Variants in PATL2 observed in about 807,000 individuals in gnomAD.
PATL2 encodes PAT1 homolog 2.
A neutral mutation model predicts 77.0 loss-of-function variants in PATL2; 73 were observed. The observed-to-expected ratio is 0.95, with a 90% CI of 0.78 to 1.15. PATL2 has a LOEUF of 1.15. PATL2 is among the 50% of genes most tolerant of loss of function. PATL2 has a pLI of 0.00. For synonymous variants in PATL2, 265 were observed against 257.1 expected, an observed-to-expected ratio of 1.03 and a Z score of -0.29; for missense variants, 618 against 655.4, an observed-to-expected ratio of 0.94 and a Z score of 0.62.
chr15:44,669,638 G>A (rs781502461), intron 11 of PATL2, 75 bp from the exon 12 acceptor site: 12 of 1,521,928 alleles, frequency 7.9e-6, no homozygotes, highest in Non-Finnish European at 1.1e-5. Flanking sequence ...CAACTAGCTA[G>A]AGATTGAGCT....
In PATL2 at chr15:44,675,524, C is replaced by A. The variant is rs1305561412; in HGVS notation, c.184G>T (p.Gly62Trp). The part of the protein sequence containing the change: ...PDLEEEENDL[G>W]DPAVLGAVHN... ...ACAGCACCAAGTACAGCTGGATCCC[C>A]AAGATCATTCTCTTCCTCCTCTAGG... Residue 62 changes from glycine to tryptophan, a missense_variant, in exon 5 of 18, where the codon GGG becomes TGG. By Grantham distance (184) the Gly-to-Trp change is radical (BLOSUM62 -2). Coordinates refer to ENST00000682850, the MANE Select transcript of PATL2 (RefSeq NM_001387263.1). 1.3e-6 allele frequency: 2 copies of A among 1,551,816 alleles called. No individual in the cohort carries two copies. Among genetic ancestry groups the A allele is most frequent in the East Asian group, 4.9e-5 (2 of 40,922 alleles).
intron 3 of PATL2, among the ~76,000 whole-genome samples, chr15:44,706,440 C>G (rs1414209285): frequency 6.6e-6 from 1 of 152,178 alleles, no homozygotes; most frequent in African/African-American, 2.4e-5. Flanking sequence ...TTTGAGGTTA[C>G]CATGAGGTTT....
intron 3 of PATL2, among the ~76,000 whole-genome samples, chr15:44,707,828 T>C (rs1377683586): frequency 6.6e-6 from 1 of 152,220 alleles, no homozygotes; most frequent in Non-Finnish European, 1.5e-5. Context: ...CCTTGTGGCC[T>C]AGACTGCCTT....
chr15:44,675,395 G>C lies in PATL2; in HGVS notation c.222+91C>G, dbSNP rs1289249205. 4 of 1,377,346 alleles carry C rather than the reference G, an allele frequency of 2.9e-6. No individual in the cohort carries two copies. In the African/African-American group the frequency reaches 5.8e-5, roughly 20 times the overall value. The allele number at this position is 1,377,346 out of a possible 1,614,324, so 85.3% of individuals were successfully genotyped here. A position where few individuals can be genotyped will look rare whatever the true frequency, so the allele number is the denominator to read the frequency against. On this transcript the variant is annotated intron_variant, in intron 5 of 17. Coordinates refer to ENST00000682850, the MANE Select transcript of PATL2 (RefSeq NM_001387263.1). ...TTAATCCAGAACTTGTCTTAGAAAAGGGTAGAAAAGAGAAGAGGAATGTTT... is the reference window on the plus strand; with the variant it reads ...TTAATCCAGAACTTGTCTTAGAAAACGGTAGAAAAGAGAAGAGGAATGTTT...
chr15:44,668,646 C>G (rs2141169904), intron 14 of PATL2, among the ~76,000 whole-genome samples, 164 bp from the exon 15 acceptor site: 1 of 152,294 alleles, frequency 6.6e-6, no homozygotes, highest in East Asian at 1.9e-4. Flanking sequence ...ACACTGACAC[C>G]TTCGGTACCT....
intron 3 of PATL2, among the ~76,000 whole-genome samples, chr15:44,683,515 T>C (rs997228808): frequency 6.6e-6 from 1 of 152,190 alleles, no homozygotes; most frequent in African/African-American, 2.4e-5. Flanking sequence ...TCCGCAAAGC[T>C]GCTGTAGCCA....
chr15:44,679,438 G>T (rs188899925), intron 3 of PATL2, among the ~76,000 whole-genome samples: 24 of 151,774 alleles, frequency 1.6e-4, no homozygotes, highest in African/African-American at 5.8e-4. Flanking sequence ...ATGTTGGCCA[G>T]TCTGGTCTTG....
At chr15:44,670,126 C>A in intron 9 of PATL2, 39 bp from the exon 10 acceptor site, 1 of 1,542,272 alleles carries the variant, frequency 6.5e-7, no homozygotes, top group African/African-American at 1.4e-5. Flanking sequence ...AAACAAAACA[C>A]CTTATATTCA....
intron 3 of PATL2, among the ~76,000 whole-genome samples, chr15:44,694,557 C>T (rs1478471901): frequency 6.6e-6 from 1 of 152,124 alleles, no homozygotes. Flanking sequence ...ATTTTCCTGG[C>T]ATGAGACGAC....
chr15:44,697,159 C>T (rs1428210727), intron 3 of PATL2, among the ~76,000 whole-genome samples: 1 of 151,734 alleles, frequency 6.6e-6, no homozygotes, highest in African/African-American at 2.4e-5. Context: ...TCCTCTTCCC[C>T]TTCCTCCTCC....
At chr15:44,703,934 T>C (rs146557238) in intron 3 of PATL2, among the ~76,000 whole-genome samples, 2,616 of 151,722 alleles carry the variant, frequency 0.017, 42 homozygotes, top group Middle Eastern at 0.034. Context: ...TGATTTTCTC[T>C]GGTAGTATTT....
At chr15:44,694,418 A>G (rs1356729472) in intron 3 of PATL2, among the ~76,000 whole-genome samples, 2 of 152,224 alleles carry the variant, frequency 1.3e-5, no homozygotes, top group African/African-American at 2.4e-5. Context: ...ATCATGAAAT[A>G]AAAGCAGTCA....
chr15:44,687,055 G>A (rs1595980310), intron 3 of PATL2, among the ~76,000 whole-genome samples: 1 of 152,162 alleles, frequency 6.6e-6, no homozygotes, highest in East Asian at 1.9e-4. Context: ...CTCATTTGAT[G>A]AGGCCAGCAT....
At chr15:44,666,270 C>A in intron 17 of PATL2, 122 bp downstream of exon 17, 3 of 1,322,070 alleles carry the variant, frequency 2.3e-6, no homozygotes, top group Non-Finnish European at 2.1e-6. Context: ...TGTGTAGAAC[C>A]ACTTCTAAAA....
intron 3 of PATL2, among the ~76,000 whole-genome samples, chr15:44,678,360 C>G (rs896722995): frequency 6.6e-6 from 1 of 152,122 alleles, no homozygotes; most frequent in African/African-American, 2.4e-5. Flanking sequence ...TGACTAGTAC[C>G]AAAGCAGGTG....
In PATL2 at chr15:44,693,933, C is replaced by T. The variant is rs1013580142; in HGVS notation, c.-76+16163G>A. On this transcript the variant is annotated intron_variant, in intron 3 of 17. Coordinates refer to ENST00000682850, the MANE Select transcript of PATL2 (RefSeq NM_001387263.1). Reference sequence around the variant, plus strand: ...GGCCAGTCTGGTCTCAAACTCCTGACCTCAGGTGATCTGCCAGCCTCATCC... The same window carrying T: ...GGCCAGTCTGGTCTCAAACTCCTGATCTCAGGTGATCTGCCAGCCTCATCC... Among the ~76,000 whole-genome samples, 14 of 152,050 alleles carry T rather than the reference C, an allele frequency of 9.2e-5. 1 individual carries two copies. Among genetic ancestry groups the T allele is most frequent in the Admixed American group, 7.9e-4 (12 of 15,268 alleles).
chr15:44,696,877 C>G (rs939039370), intron 3 of PATL2, among the ~76,000 whole-genome samples: 3 of 152,160 alleles, frequency 2.0e-5, no homozygotes, highest in African/African-American at 7.2e-5. Context: ...AGATTGGAAT[C>G]TCCTGGTGGG....
Position 44,673,255 on chromosome 15 carries a change from G to A in PATL2, c.426C>T (p.Thr142=). The A allele has an allele frequency of 2.6e-6, 4 of 1,551,606 alleles. No individual in the cohort carries two copies. Among genetic ancestry groups the A allele is most frequent in the Non-Finnish European group, 3.5e-6 (4 of 1,146,978 alleles). ...AGTACCTGAACCTAGGGGGCCACGA[G>A]GTCAGCAGGCTGCAGAAGAGAGTTG... is the stretch of plus-strand genomic sequence containing the variant. ...PDPTLFCSLL[T]SWPPRFSHLT... Residue 142 remains threonine (T), a synonymous_variant, in exon 7 of 18, where the codon ACC becomes ACT. Coordinates refer to ENST00000682850, the MANE Select transcript of PATL2 (RefSeq NM_001387263.1).
At chr15:44,694,787 G>A (rs180854172) in intron 3 of PATL2, among the ~76,000 whole-genome samples, 2 of 152,202 alleles carry the variant, frequency 1.3e-5, no homozygotes, top group African/African-American at 2.4e-5. Context: ...CCACTGTTAC[G>A]ACCCATTGGA....
Sources: allele counts gnomAD v4.1 joint callset (sites outside exome capture counted in the v4.1 genomes callset), GRCh38; gene constraint gnomAD v4.1.1; transcripts MANE v1.5; gene names NCBI Gene and HGNC (gene_info 2026-07-23, HGNC 2026-07-21).